NWD2: variants seen among roughly 807,000 people sequenced by gnomAD.
NWD2 encodes the protein NACHT and WD repeat domain containing 2, also known as NACHT and WD repeat domain-containing protein 2.
Under a neutral mutation model 132.7 loss-of-function variants are expected in NWD2, and 37 were observed. The ratio of observed to expected loss-of-function variants is 0.28; its 90% CI spans 0.21 to 0.37. NWD2 has a LOEUF of 0.37. Ranked by LOEUF, NWD2 falls within the 10% of genes least tolerant of loss-of-function variation. NWD2 has a pLI of 1.00. For missense variants in NWD2, 1,592 were observed against 2,122.4 expected (o/e 0.75, Z 4.91); for synonymous variants, 705 against 803.0 (o/e 0.88, Z 2.06).
At chr4:37,397,754 G>T (rs983199004) in intron 3 of NWD2, among the ~76,000 whole-genome samples, 1 of 152,044 alleles carries the variant, frequency 6.6e-6, no homozygotes, top group African/African-American at 2.4e-5. Flanking sequence ...CTTGCCAAAT[G>T]TTTGTCCCTA....
At chr4:37,426,804 T>C (rs1712021783) in intron 3 of NWD2, among the ~76,000 whole-genome samples, 1 of 152,154 alleles carries the variant, frequency 6.6e-6, no homozygotes. Context: ...CCAGGGAGCA[T>C]ATCATCCAGT....
At chr4:37,290,335 A>T (rs934358975) in intron 1 of NWD2, among the ~76,000 whole-genome samples, 9 of 152,184 alleles carry the variant, frequency 5.9e-5, no homozygotes, top group African/African-American at 2.2e-4. Flanking sequence ...GGCCACTACT[A>T]TGTAGATAGC....
At chr4:37,260,108 G>A (rs1362449591) in intron 1 of NWD2, among the ~76,000 whole-genome samples, 1 of 152,196 alleles carries the variant, frequency 6.6e-6, no homozygotes, top group Non-Finnish European at 1.5e-5. Flanking sequence ...CAGCCATTTA[G>A]AAGGGAGCAA....
At chr4:37,344,937 A>G (rs1349599026) in intron 2 of NWD2, among the ~76,000 whole-genome samples, 3 of 152,160 alleles carry the variant, frequency 2.0e-5, no homozygotes, top group African/African-American at 7.2e-5. Context: ...GGATTTGCCT[A>G]TTCTGCACAT....
chr4:37,389,401 A>G (rs1436169749), intron 3 of NWD2, among the ~76,000 whole-genome samples: 1 of 152,250 alleles, frequency 6.6e-6, no homozygotes, highest in Non-Finnish European at 1.5e-5. Context: ...CAATATTACA[A>G]ACTTTCAATA....
chr4:37,329,606 C>A (rs576376009), intron 2 of NWD2, among the ~76,000 whole-genome samples: 2 of 145,926 alleles, frequency 1.4e-5, no homozygotes, highest in South Asian at 4.7e-4. Context: ...CAGAGTGAGA[C>A]CCTGTCTCAA....
intron 3 of NWD2, among the ~76,000 whole-genome samples, chr4:37,393,129 T>C (rs1341692272): frequency 6.6e-6 from 1 of 152,042 alleles, no homozygotes; most frequent in Non-Finnish European, 1.5e-5. Context: ...GGCCAAGCCA[T>C]GAATGTTGGG....
chr4:37,410,622 A>G (rs765768354), intron 3 of NWD2, among the ~76,000 whole-genome samples: 1 of 152,210 alleles, frequency 6.6e-6, no homozygotes, highest in Non-Finnish European at 1.5e-5. Flanking sequence ...TCAGGACTTG[A>G]ACTCAGCTCT....
chr4:37,308,012 T>A (rs974908866), intron 1 of NWD2, among the ~76,000 whole-genome samples: 6 of 152,228 alleles, frequency 3.9e-5, no homozygotes, highest in African/African-American at 1.2e-4. Flanking sequence ...GTTTTTCTGA[T>A]TTTGATGAAT....
rs767674117 is a variant in NWD2, at chr4:37,265,904, CCATTATTTAGCTTACCA to C, written c.151+20703_151+20719del. Among the ~76,000 whole-genome samples the C allele has an allele frequency of 1.3e-3, 203 of 152,040 alleles. 2 individuals carry two copies. The highest frequency in any genetic ancestry group is 3.4e-3 in the Middle Eastern group (1 of 294). On this transcript the variant is annotated intron_variant, in intron 1 of 6. Coordinates refer to ENST00000309447, the MANE Select transcript of NWD2 (RefSeq NM_001144990.2). ...TGGGCTGTGCACATCTTTCAGGGGGCCATTATTTAGCTTACCACATTATTTAGCTTACCTTAAACAAA... is the reference window on the plus strand; with the variant it reads ...TGGGCTGTGCACATCTTTCAGGGGGCCATTATTTAGCTTACCTTAAACAAA...
At chr4:37,328,253 A>C (rs757304177) in intron 2 of NWD2, among the ~76,000 whole-genome samples, 1 of 151,852 alleles carries the variant, frequency 6.6e-6, no homozygotes, top group Non-Finnish European at 1.5e-5. Context: ...TCTTTTTATT[A>C]TTATTATTAC....
At chr4:37,294,316 A>C (rs2109273641) in intron 1 of NWD2, among the ~76,000 whole-genome samples, 1 of 152,286 alleles carries the variant, frequency 6.6e-6, no homozygotes, top group South Asian at 2.1e-4. Flanking sequence ...TATTTCAGAG[A>C]AATCCTTAAT....
chr4:37,432,512 C>T lies in NWD2; in HGVS notation c.562-1364C>T, dbSNP rs80198053. ...ATAGCTTCAGATTATTTTTCCAGTT[C>T]ACCAATTTTTTTCTTCAGCTGTGTT... is the stretch of plus-strand genomic sequence containing the variant. On this transcript the variant is annotated intron_variant, in intron 4 of 6. Coordinates refer to ENST00000309447, the MANE Select transcript of NWD2 (RefSeq NM_001144990.2). 3.7e-3 allele frequency among the ~76,000 whole-genome samples: 557 copies of T among 152,064 alleles called. 7 individuals are homozygous for T. Among genetic ancestry groups the T allele is most frequent in the East Asian group, 0.037 (189 of 5,170 alleles).
chr4:37,444,198 T>G lies in NWD2; in HGVS notation c.2210T>G (p.Leu737Arg). The G allele has an allele frequency of 6.4e-7, 1 of 1,551,694 alleles. No individual in the cohort carries two copies. Among genetic ancestry groups the G allele is most frequent in the African/African-American group, 1.4e-5 (1 of 73,186 alleles). ...VTLLVWANRH[L>R]QLIAQKLYLQ... The stretch of plus-strand genomic sequence containing the variant: ...CTCCTAGTCTGGGCCAACAGACACC[T>G]GCAGCTCATAGCCCAGAAGCTATAT... Residue 737 changes from leucine (L) to arginine (R), a missense_variant, in exon 7 of 7, where the codon CTG becomes CGG. Transcript: ENST00000309447. The surrounding 1 kb of genome is among the most constrained non-coding windows in gnomAD (Gnocchi z 4.8).
chr4:37,334,591 C>T (rs1011996044), intron 2 of NWD2, among the ~76,000 whole-genome samples: 1 of 152,210 alleles, frequency 6.6e-6, no homozygotes, highest in African/African-American at 2.4e-5. Context: ...CCTCTACTCT[C>T]TGAACTCATA....
At chr4:37,374,563 AGAGAAT>A (rs1169927960) in intron 3 of NWD2, among the ~76,000 whole-genome samples, 1 of 152,236 alleles carries the variant, frequency 6.6e-6, no homozygotes, top group African/African-American at 2.4e-5. Context: ...ATGAGACAAC[AGAGAAT>A]GGAAATCTAA....
intron 3 of NWD2, among the ~76,000 whole-genome samples, chr4:37,375,079 T>C (rs1021118163): frequency 3.3e-5 from 5 of 152,248 alleles, no homozygotes; most frequent in Non-Finnish European, 7.3e-5. Flanking sequence ...TCTACCTGTG[T>C]AATCTTCTGT....
chr4:37,247,278 C>G (rs1613539), intron 1 of NWD2, among the ~76,000 whole-genome samples: 3,196 of 152,282 alleles, frequency 0.021, 107 homozygotes, highest in African/African-American at 0.073. Flanking sequence ...CTGTCAGAGG[C>G]AGCACTTGAC....
At chr4:37,263,637 A>T (rs73240345) in intron 1 of NWD2, among the ~76,000 whole-genome samples, 24,731 of 151,754 alleles carry the variant, frequency 0.16, 2,529 homozygotes, top group South Asian at 0.32. Flanking sequence ...TAACAGATAG[A>T]TTAATGCTAA....
Sources: allele counts gnomAD v4.1 joint callset (sites outside exome capture counted in the v4.1 genomes callset), GRCh38; gene constraint gnomAD v4.1.1; non-coding constraint Gnocchi (gnomAD v3.1); transcripts MANE v1.5; gene names NCBI Gene and HGNC (gene_info 2026-07-23, HGNC 2026-07-21).